The following TWSG1 variants were observed in gnomAD, a reference collection of about 807,000 sequenced individuals.
TWSG1 encodes the protein twisted gastrulation protein homolog 1.
TWSG1 carries 15 observed loss-of-function variants against 23.0 expected under a neutral mutation model. That is an observed-to-expected ratio of 0.65 (90% CI 0.44 to 1.00). The LOEUF (loss-of-function observed/expected upper bound fraction) is 1.00, where lower values mean the gene tolerates loss of function less well. TWSG1 is among the 50% of genes least tolerant of loss of function. The probability of loss-of-function intolerance (pLI) is 0.00; values close to 1 mark genes in which losing one functional copy is unlikely to be tolerated. For synonymous variants in TWSG1, 86 were observed against 92.8 expected (o/e 0.93, Z 0.42); for missense variants, 242 against 278.7 (o/e 0.87, Z 0.94).
chr18:9,339,694 T>C (rs1297444690), intron 2 of TWSG1, among the ~76,000 whole-genome samples: 2 of 152,072 alleles, frequency 1.3e-5, no homozygotes, highest in Non-Finnish European at 2.9e-5. Context: ...TCCCAGCTAC[T>C]TGGGAGGCTG....
chr18:9,365,495 C>T (rs957152714), intron 3 of TWSG1, among the ~76,000 whole-genome samples: 15 of 151,894 alleles, frequency 9.9e-5, no homozygotes, highest in South Asian at 6.2e-4. Flanking sequence ...GGCAAAACCC[C>T]GTCTCTACAA....
At chr18:9,378,876 G>A (rs1251131567) in intron 3 of TWSG1, among the ~76,000 whole-genome samples, 1 of 150,976 alleles carries the variant, frequency 6.6e-6, no homozygotes, top group Non-Finnish European at 1.5e-5. Context: ...ACCTACTACA[G>A]AGGCTGAGGC....
intron 3 of TWSG1, among the ~76,000 whole-genome samples, chr18:9,376,174 C>T (rs768471552): frequency 2.0e-5 from 3 of 152,208 alleles, no homozygotes; most frequent in Non-Finnish European, 4.4e-5. Context: ...GCCTCAGCCT[C>T]CCAAAGTGCT....
chr18:9,393,981 T>C (rs946890643), intron 3 of TWSG1, among the ~76,000 whole-genome samples: 1 of 152,206 alleles, frequency 6.6e-6, no homozygotes, highest in African/African-American at 2.4e-5. Flanking sequence ...ACAGCCACTA[T>C]GGAAAACAGT....
chr18:9,372,560 A>T (rs4797366), intron 3 of TWSG1, among the ~76,000 whole-genome samples: 69,805 of 147,652 alleles, frequency 0.47, 17,471 homozygotes, highest in East Asian at 0.71. Context: ...TATATACATT[A>T]TAATATATGC....
In TWSG1 at chr18:9,396,445, A is replaced by C; in HGVS notation, c.389A>C (p.His130Pro). The change falls in exon 4 of 5, where the codon CAT (histidine) becomes CCT (proline). Residue 130 changes from histidine to proline, a missense_variant. Transcript: ENST00000262120. ...SFPVAEELSH[H>P]ENLVSFLETV... ...CCTGTTGCAGAAGAACTTTCACATC[A>C]TGAGAATCTGGTTTCATTTTTAGAA... The C allele has an allele frequency of 1.9e-6, 3 of 1,614,206 alleles. No individual in the cohort carries two copies. Among genetic ancestry groups the C allele is most frequent in the Non-Finnish European group, 2.5e-6 (3 of 1,180,054 alleles).
intron 3 of TWSG1, 119 bp from the exon 4 acceptor site, chr18:9,396,147 CAAAAAAAAAAAAAA>C: frequency 2.1e-6 from 1 of 470,708 alleles, no homozygotes; most frequent in East Asian, 3.7e-5. Flanking sequence ...GCTCACCCAG[CAAAAAAAAAAAAAA>C]AAAAAAAAGG....
rs1568041183 is a variant in TWSG1 at position 9,396,495 on chromosome 18, A to C, written c.439A>C (p.Asn147His). 1 of 1,614,034 alleles carries C rather than the reference A, an allele frequency of 6.2e-7. No homozygotes were observed. The highest frequency in any genetic ancestry group is 2.2e-5 in the East Asian group (1 of 44,880). Residue 147 changes from asparagine to histidine, a missense_variant, in exon 4 of 5, where the codon AAT becomes CAT. Coordinates refer to ENST00000262120, the MANE Select transcript of TWSG1 (RefSeq NM_020648.6). ...LETVNQPHHQNVSVPSNNVHA... is the reference protein window; with the variant it reads ...LETVNQPHHQHVSVPSNNVHA... ...AACTGTGAACCAGCCACACCACCAG[A>C]ATGTGTCTGTCCCCAGCAATAATGT... is the stretch of plus-strand genomic sequence containing the variant.
intron 2 of TWSG1, among the ~76,000 whole-genome samples, chr18:9,347,632 A>G (rs914157850): frequency 6.6e-6 from 1 of 151,698 alleles, no homozygotes; most frequent in Non-Finnish European, 1.5e-5. Context: ...TCATTTTTGG[A>G]TTGTTCATTG....
intron 3 of TWSG1, among the ~76,000 whole-genome samples, chr18:9,375,995 A>C (rs1598830536): frequency 6.6e-6 from 1 of 151,748 alleles, no homozygotes; most frequent in Non-Finnish European, 1.5e-5. Flanking sequence ...GTTCACTGCA[A>C]CCTCTGCCTC....
chr18:9,351,834 T>C (rs11081473), intron 2 of TWSG1, among the ~76,000 whole-genome samples: 82,584 of 151,698 alleles, frequency 0.54, 23,626 homozygotes, highest in East Asian at 0.72. Context: ...TTAGTAGAGA[T>C]GGGGTTTCGC....
chr18:9,350,090 A>G (rs1290632973), intron 2 of TWSG1, among the ~76,000 whole-genome samples: 1 of 152,116 alleles, frequency 6.6e-6, no homozygotes, highest in Non-Finnish European at 1.5e-5. Flanking sequence ...CAGTGAGCCG[A>G]GATCGTGCCA....
intron 3 of TWSG1, among the ~76,000 whole-genome samples, chr18:9,375,846 G>A (rs1249204706): frequency 6.6e-6 from 1 of 152,092 alleles, no homozygotes; most frequent in Non-Finnish European, 1.5e-5. Flanking sequence ...AAATAAATGG[G>A]GGATATTCTA....
Position 9,400,357 on chromosome 18 carries a change from C to T in TWSG1, c.*830C>T, listed in dbSNP as rs550311997. On this transcript the variant is annotated 3_prime_UTR_variant, in exon 5 of 5. Transcript: ENST00000262120. Reference sequence around the variant, plus strand: ...CTTAAAGAGCACTAGGGATGGGGAACGAATGCCAAATCAGACTCCACCTAG... The same window carrying T: ...CTTAAAGAGCACTAGGGATGGGGAATGAATGCCAAATCAGACTCCACCTAG... 7.9e-5 allele frequency: 12 copies of T among 152,240 alleles called. No individual in the cohort carries two copies. In the South Asian group the frequency reaches 8.3e-4, roughly 11 times the overall value. 9.4% of individuals were successfully genotyped at this position (152,240 alleles called of 1,614,324 possible).
chr18:9,395,958 G>A (rs547260547), intron 3 of TWSG1, among the ~76,000 whole-genome samples: 1 of 152,094 alleles, frequency 6.6e-6, no homozygotes, highest in African/African-American at 2.4e-5. Flanking sequence ...CATCATTCAT[G>A]GTGCACTTCC....
At chr18:9,357,977 G>A (rs2040534734) in intron 2 of TWSG1, among the ~76,000 whole-genome samples, 1 of 152,060 alleles carries the variant, frequency 6.6e-6, no homozygotes, top group African/African-American at 2.4e-5. Flanking sequence ...TGAGGACATG[G>A]GGGAATAAAA....
At chr18:9,391,427 A>G (rs775316297) in intron 3 of TWSG1, among the ~76,000 whole-genome samples, 1 of 152,226 alleles carries the variant, frequency 6.6e-6, no homozygotes, top group Non-Finnish European at 1.5e-5. Context: ...GGCATCTAGA[A>G]TAGTGAATCC....
chr18:9,340,852 AT>A (rs1165339393), intron 2 of TWSG1, among the ~76,000 whole-genome samples: 1 of 152,240 alleles, frequency 6.6e-6, no homozygotes, highest in African/African-American at 2.4e-5. Context: ...TGAAAATCTG[AT>A]TTTAAATTTA....
intron 2 of TWSG1, among the ~76,000 whole-genome samples, chr18:9,353,416 A>G (rs758089519): frequency 2.6e-5 from 4 of 152,230 alleles, no homozygotes; most frequent in Non-Finnish European, 5.9e-5. Context: ...CAAACTTTTC[A>G]TCCTGCCAGA....
Sources: gnomAD v4.1 joint callset for allele counts (sites outside exome capture counted in the v4.1 genomes callset) on GRCh38, gnomAD v4.1.1 for gene constraint, MANE v1.5 for transcripts, NCBI Gene and HGNC (gene_info 2026-07-23, HGNC 2026-07-21) for gene names.